The following IMMP2L variants were observed in gnomAD, a reference collection of about 807,000 sequenced individuals.
The protein encoded by IMMP2L is mitochondrial inner membrane protease subunit 2.
A neutral mutation model predicts 19.3 loss-of-function variants in IMMP2L; 18 were observed. The observed-to-expected ratio is 0.93, with a 90% CI of 0.64 to 1.38. The LOEUF (loss-of-function observed/expected upper bound fraction) is 1.38, where lower values mean the gene tolerates loss of function less well. Among genes scored for constraint, IMMP2L ranks in the 40% most tolerant of loss-of-function variants. The pLI is 0.00. For synonymous variants in IMMP2L, 76 were observed against 73.0 expected, an observed-to-expected ratio of 1.04 and a Z score of -0.21; for missense variants, 233 against 218.2, an observed-to-expected ratio of 1.07 and a Z score of -0.43.
chr7:111,273,584 G>A (rs1818707683), intron 3 of IMMP2L, among the ~76,000 whole-genome samples: 2 of 152,124 alleles, frequency 1.3e-5, no homozygotes, highest in Non-Finnish European at 2.9e-5. Flanking sequence ...CCTTGAGGAT[G>A]CAGGGAGGTG....
intron 3 of IMMP2L, among the ~76,000 whole-genome samples, chr7:111,187,568 A>C (rs1254575977): frequency 6.6e-6 from 1 of 152,170 alleles, no homozygotes; most frequent in African/African-American, 2.4e-5. Flanking sequence ...GAGACAGAAT[A>C]CTATGCTTAG....
chr7:111,504,349 A>C (rs1844646185), intron 2 of IMMP2L, among the ~76,000 whole-genome samples: 1 of 152,172 alleles, frequency 6.6e-6, no homozygotes, highest in Non-Finnish European at 1.5e-5. Flanking sequence ...AGGGCATTCC[A>C]TGCTCATGGG....
chr7:110,917,346 C>A (rs928729211), intron 4 of IMMP2L, among the ~76,000 whole-genome samples: 2 of 152,106 alleles, frequency 1.3e-5, no homozygotes, highest in Non-Finnish European at 2.9e-5. Context: ...CTCAGAAAAC[C>A]AATACTACAT....
chr7:111,408,641 G>A (rs1834104982), intron 3 of IMMP2L, among the ~76,000 whole-genome samples: 2 of 151,662 alleles, frequency 1.3e-5, no homozygotes, highest in African/African-American at 4.9e-5. Flanking sequence ...ATTTCACATG[G>A]CAGTAAGCCA....
chr7:111,416,966 C>T (rs1835009900), intron 3 of IMMP2L, among the ~76,000 whole-genome samples: 1 of 151,546 alleles, frequency 6.6e-6, no homozygotes, highest in Admixed American at 6.6e-5. Context: ...TAACCATAAA[C>T]TACATGTATC....
At chr7:111,131,810 G>T (rs991063153) in intron 3 of IMMP2L, among the ~76,000 whole-genome samples, 1 of 151,310 alleles carries the variant, frequency 6.6e-6, no homozygotes, top group African/African-American at 2.4e-5. Context: ...GAAAACATAC[G>T]AACTATATAT....
At chr7:110,862,320 A>G (rs1372105116) in intron 5 of IMMP2L, among the ~76,000 whole-genome samples, 1 of 151,596 alleles carries the variant, frequency 6.6e-6, no homozygotes, top group African/African-American at 2.4e-5. Flanking sequence ...GGAGATTTTT[A>G]AAGTCATATT....
chr7:111,215,555 G>A (rs1368190145), intron 3 of IMMP2L, among the ~76,000 whole-genome samples: 1 of 152,012 alleles, frequency 6.6e-6, no homozygotes. Flanking sequence ...TTTCAAAAAA[G>A]ATATACATTC....
At chr7:111,169,876 CCAGTG>C (rs1392121644) in intron 3 of IMMP2L, among the ~76,000 whole-genome samples, 9 of 151,794 alleles carry the variant, frequency 5.9e-5, no homozygotes, top group Non-Finnish European at 1.2e-4. Context: ...TCTATCAGAT[CCAGTG>C]GTTCTCTTCT....
intron 4 of IMMP2L, among the ~76,000 whole-genome samples, chr7:110,950,852 A>ATG (rs1465428885): frequency 2.4e-5 from 3 of 124,828 alleles, no homozygotes; most frequent in East Asian, 2.2e-4. Context: ...ATATATATAT[A>ATG]TATATATATA....
chr7:111,462,013 A>C (rs913765399), intron 3 of IMMP2L, among the ~76,000 whole-genome samples: 2 of 151,972 alleles, frequency 1.3e-5, no homozygotes, highest in Non-Finnish European at 2.9e-5. Flanking sequence ...GATAAAAAAA[A>C]CCTGGATGTG....
intron 3 of IMMP2L, among the ~76,000 whole-genome samples, chr7:111,305,299 AG>A (rs1020332325): frequency 1.3e-5 from 2 of 152,140 alleles, no homozygotes; most frequent in African/African-American, 4.8e-5. Context: ...AGCTGGCTTC[AG>A]GGCTTTACAA....
At chr7:111,086,726 A>G (rs994726006) in intron 3 of IMMP2L, among the ~76,000 whole-genome samples, 3 of 152,028 alleles carry the variant, frequency 2.0e-5, no homozygotes, top group Non-Finnish European at 4.4e-5. Context: ...ACCATCAGTG[A>G]CTCATTCATA....
chr7:110,919,701 G>T (rs1000680052), intron 4 of IMMP2L, among the ~76,000 whole-genome samples: 1 of 151,978 alleles, frequency 6.6e-6, no homozygotes, highest in Non-Finnish European at 1.5e-5. Flanking sequence ...TATTCTAAGA[G>T]TACCATTGTG....
chr7:110,810,033 C>T (rs1562990138), intron 5 of IMMP2L, among the ~76,000 whole-genome samples: 1 of 152,030 alleles, frequency 6.6e-6, no homozygotes, highest in Admixed American at 6.6e-5. Flanking sequence ...GTAAAGGCTT[C>T]CTTCCTAAAT....
chr7:111,336,779 C>T (rs1826462759), intron 3 of IMMP2L, among the ~76,000 whole-genome samples: 1 of 151,462 alleles, frequency 6.6e-6, no homozygotes, highest in Non-Finnish European at 1.5e-5. Flanking sequence ...ATTAATTTTA[C>T]CCAAAATGAA....
At chr7:110,930,320 T>G (rs554241618) in intron 4 of IMMP2L, among the ~76,000 whole-genome samples, 34 of 81,488 alleles carry the variant, frequency 4.2e-4, no homozygotes, top group African/African-American at 8.7e-4. Flanking sequence ...CATTAACATG[T>G]TTTTTTTTTT....
At chr7:111,505,842 G>C (rs1280530079) in intron 2 of IMMP2L, among the ~76,000 whole-genome samples, 1 of 151,978 alleles carries the variant, frequency 6.6e-6, no homozygotes, top group Non-Finnish European at 1.5e-5. Flanking sequence ...AGCGGGGAGG[G>C]ATAGCATTAG....
chr7:111,516,717 C>G (rs1845900807), intron 2 of IMMP2L, among the ~76,000 whole-genome samples: 1 of 152,066 alleles, frequency 6.6e-6, no homozygotes, highest in African/African-American at 2.4e-5. Flanking sequence ...TGACAGGTTA[C>G]AGAACTATGT....
Sources: gnomAD v4.1 joint callset for allele counts (sites outside exome capture counted in the v4.1 genomes callset) on GRCh38, gnomAD v4.1.1 for gene constraint, MANE v1.5 for transcripts, NCBI Gene and HGNC (gene_info 2026-07-23, HGNC 2026-07-21) for gene names.